The following ANK3 variants were observed in gnomAD, a reference collection of about 807,000 sequenced individuals.
ANK3 encodes the protein ankyrin 3.
Under a neutral mutation model 370.9 loss-of-function variants are expected in ANK3, and 57 were observed. The observed-to-expected ratio is 0.15, with a 90% confidence interval of 0.12 to 0.19. The LOEUF (loss-of-function observed/expected upper bound fraction) is 0.19. Among genes scored for constraint, ANK3 ranks in the 10% least tolerant of loss-of-function variants. The pLI, the probability that ANK3 is intolerant of heterozygous loss-of-function variation, is 1.00. For missense variants in ANK3, 4,439 were observed against 5,302.1 expected, an observed-to-expected ratio of 0.84 and a Z score of 5.06; for synonymous variants, 1,929 against 1,946.3, an observed-to-expected ratio of 0.99 and a Z score of 0.23.
At chr10:60,116,966 G>T (rs774098937) in intron 25 of ANK3, among the ~76,000 whole-genome samples, 1 of 152,124 alleles carries the variant, frequency 6.6e-6, no homozygotes, top group Non-Finnish European at 1.5e-5. Context: ...TATAAACATG[G>T]AGAGAAAAAA....
intron 23 of ANK3, among the ~76,000 whole-genome samples, chr10:60,148,233 T>G (rs763735675): frequency 6.8e-6 from 1 of 147,816 alleles, no homozygotes; most frequent in Non-Finnish European, 1.5e-5. Context: ...GCTTAAGCTG[T>G]TTTTTTTTTA....
At chr10:60,660,604 T>A (rs2078923250) in intron 1 of ANK3, among the ~76,000 whole-genome samples, 1 of 152,118 alleles carries the variant, frequency 6.6e-6, no homozygotes, top group Admixed American at 6.6e-5. Flanking sequence ...ATATAGCAAC[T>A]CTGGGTTGTG....
intron 1 of ANK3, among the ~76,000 whole-genome samples, chr10:60,699,305 A>T (rs940551693): frequency 6.6e-6 from 1 of 152,098 alleles, no homozygotes; most frequent in Non-Finnish European, 1.5e-5. Flanking sequence ...AAAAGATTAT[A>T]ATAATAAAAA....
intron 2 of ANK3, among the ~76,000 whole-genome samples, chr10:60,566,737 G>T (rs1367836659): frequency 6.6e-6 from 1 of 152,158 alleles, no homozygotes; most frequent in African/African-American, 2.4e-5. Context: ...TTAGCCAGTT[G>T]TGGTGGAGCA....
intron 1 of ANK3, among the ~76,000 whole-genome samples, chr10:60,296,888 G>A (rs749313170): frequency 7.2e-5 from 11 of 152,192 alleles, no homozygotes; most frequent in Non-Finnish European, 1.6e-4. Flanking sequence ...GCTGAGGTGG[G>A]AGGATCGCTT....
intron 2 of ANK3, among the ~76,000 whole-genome samples, chr10:60,401,633 TTA>T (rs968301816): frequency 6.6e-6 from 1 of 151,896 alleles, no homozygotes; most frequent in Non-Finnish European, 1.5e-5. Context: ...TTAAAATGTA[TTA>T]TGTGTTAACA....
intron 2 of ANK3, among the ~76,000 whole-genome samples, chr10:60,442,077 A>G (rs2064312908): frequency 6.6e-6 from 1 of 150,804 alleles, no homozygotes; most frequent in Non-Finnish European, 1.5e-5. Context: ...CATATAATCT[A>G]TACACATCCT....
At chr10:60,375,505 A>C (rs571045971) in intron 1 of ANK3, among the ~76,000 whole-genome samples, 1 of 145,844 alleles carries the variant, frequency 6.9e-6, no homozygotes, top group South Asian at 2.2e-4. Flanking sequence ...CTGGGGGGGG[A>C]GGGGGGAAGG....
At chr10:60,535,270 A>G (rs1435949323) in intron 2 of ANK3, among the ~76,000 whole-genome samples, 4 of 152,062 alleles carry the variant, frequency 2.6e-5, no homozygotes, top group African/African-American at 9.7e-5. Context: ...AAACCAATAT[A>G]CTATATGAGC....
At chr10:60,631,857 G>C (rs901156229) in intron 1 of ANK3, among the ~76,000 whole-genome samples, 2 of 152,084 alleles carry the variant, frequency 1.3e-5, no homozygotes, top group African/African-American at 2.4e-5. Context: ...ATTAATACAA[G>C]TCGAATTTTT....
chr10:60,566,027 T>C (rs1399162664), intron 2 of ANK3, among the ~76,000 whole-genome samples: 1 of 152,260 alleles, frequency 6.6e-6, no homozygotes, highest in Non-Finnish European at 1.5e-5. Flanking sequence ...ACTTTGTGTC[T>C]CTGGGTCACA....
chr10:60,046,024 A>C (rs1265200121), intron 42 of ANK3, among the ~76,000 whole-genome samples: 1 of 151,926 alleles, frequency 6.6e-6, no homozygotes, highest in Non-Finnish European at 1.5e-5. Flanking sequence ...ACTGTGGTAT[A>C]GGTGGAATGA....
chr10:60,726,418 G>C (rs147223716), intron 1 of ANK3, among the ~76,000 whole-genome samples: 1 of 152,160 alleles, frequency 6.6e-6, no homozygotes, highest in African/African-American at 2.4e-5. Flanking sequence ...TGGACACAAG[G>C]TTCAACAGTA....
chr10:60,251,209 C>T (rs1432213684), intron 7 of ANK3, among the ~76,000 whole-genome samples: 1 of 152,140 alleles, frequency 6.6e-6, no homozygotes, highest in African/African-American at 2.4e-5. Flanking sequence ...TTTTCCACCT[C>T]GTATTTCAAA....
At chr10:60,173,384 A>G (rs1415049432) in intron 18 of ANK3, among the ~76,000 whole-genome samples, 198 bp from the exon 19 acceptor site, 1 of 152,196 alleles carries the variant, frequency 6.6e-6, no homozygotes, top group Non-Finnish European at 1.5e-5. Context: ...ACCACTGCCC[A>G]TAAAATTGTT....
At chr10:60,236,809 T>C (rs2097340948) in intron 7 of ANK3, among the ~76,000 whole-genome samples, 1 of 152,196 alleles carries the variant, frequency 6.6e-6, no homozygotes, top group Admixed American at 6.5e-5. Context: ...TTACCCAGGG[T>C]ATAGGCAAAC....
At chr10:60,404,559 C>T (rs965885317) in intron 2 of ANK3, among the ~76,000 whole-genome samples, 2 of 152,150 alleles carry the variant, frequency 1.3e-5, no homozygotes, top group Non-Finnish European at 1.5e-5. Flanking sequence ...CTACTTTACA[C>T]ACTACAAGTA....
At chr10:60,079,906 C>A (rs559866340) in intron 36 of ANK3, among the ~76,000 whole-genome samples, 1 of 151,894 alleles carries the variant, frequency 6.6e-6, no homozygotes, top group Non-Finnish European at 1.5e-5. Flanking sequence ...TGCCAGCTAA[C>A]AATGAACCAA....
At chr10:60,486,001 AG>A (rs1012480687) in intron 2 of ANK3, among the ~76,000 whole-genome samples, 1 of 152,188 alleles carries the variant, frequency 6.6e-6, no homozygotes, top group Admixed American at 6.5e-5. Context: ...GGAACAGGAA[AG>A]GGGTGCTTGA....
Sources: allele counts gnomAD v4.1 joint callset (sites outside exome capture counted in the v4.1 genomes callset), GRCh38; gene constraint gnomAD v4.1.1; transcripts MANE v1.5; gene names NCBI Gene and HGNC (gene_info 2026-07-23, HGNC 2026-07-21).